Variants in CDH10 observed in about 807,000 individuals in gnomAD.
CDH10 encodes the protein cadherin 10.
A neutral mutation model predicts 73.1 loss-of-function variants in CDH10; 30 were observed. The observed-to-expected ratio is 0.41, with a 90% CI of 0.31 to 0.56. The LOEUF (loss-of-function observed/expected upper bound fraction) is 0.56. Among genes scored for constraint, CDH10 ranks in the 20% least tolerant of loss-of-function variants. CDH10 has a pLI of 0.27. For missense variants in CDH10, 815 were observed against 973.7 expected (o/e 0.84, Z 2.17); for synonymous variants, 345 against 348.2 (o/e 0.99, Z 0.10).
At chr5:24,593,126 C>T (rs1746255313) in intron 2 of CDH10, 134 bp downstream of exon 2, 1 of 570,058 alleles carries the variant, frequency 1.8e-6, no homozygotes, top group Non-Finnish European at 3.1e-6. Flanking sequence ...AATTCGTGTT[C>T]CATAAACAAA....
At chr5:24,550,520 T>C (rs1049514674) in intron 2 of CDH10, among the ~76,000 whole-genome samples, 1 of 152,222 alleles carries the variant, frequency 6.6e-6, no homozygotes, top group Admixed American at 6.5e-5. Context: ...TACTTTAAGA[T>C]ATAAAATTAA....
At chr5:24,612,450 G>A (rs1429913838) in intron 1 of CDH10, 1 of 152,052 alleles carries the variant, frequency 6.6e-6, no homozygotes, top group Non-Finnish European at 1.5e-5. Context: ...CTTCTTTTCT[G>A]CATATTTACG....
chr5:24,595,682 T>C (rs1221800378), intron 1 of CDH10, among the ~76,000 whole-genome samples: 1 of 151,926 alleles, frequency 6.6e-6, no homozygotes, highest in African/African-American at 2.4e-5. Flanking sequence ...TTTGTGTAAG[T>C]GAGGGTTTCT....
intron 2 of CDH10, chr5:24,578,465 A>G (rs1026866185): frequency 2.8e-6 from 1 of 362,490 alleles, no homozygotes; most frequent in Non-Finnish European, 5.6e-6. Context: ...TGGTTTAAGA[A>G]TCTCTGCTTC....
chr5:24,514,309 C>T (rs116104927), intron 5 of CDH10, among the ~76,000 whole-genome samples: 1,651 of 152,240 alleles, frequency 0.011, 26 homozygotes, highest in African/African-American at 0.038. Context: ...CACTGACTGA[C>T]CCGTCATAAT....
chr5:24,634,736 G>T (rs552261245), intron 1 of CDH10, among the ~76,000 whole-genome samples: 203 of 151,760 alleles, frequency 1.3e-3, no homozygotes, highest in African/African-American at 4.8e-3. Flanking sequence ...ATCTTTACAA[G>T]TTATTGGACA....
intron 2 of CDH10, 111 bp from the exon 3 acceptor site, chr5:24,537,785 T>C: frequency 1.6e-6 from 1 of 635,400 alleles, no homozygotes; most frequent in Non-Finnish European, 2.7e-6. Flanking sequence ...GGGTCGGCTA[T>C]CCTACTTCTT....
chr5:24,643,405 A>G (rs780904699), intron 1 of CDH10, among the ~76,000 whole-genome samples: 1 of 152,030 alleles, frequency 6.6e-6, no homozygotes, highest in Non-Finnish European at 1.5e-5. Context: ...AAGCTCTTGT[A>G]GCTACGTTTT....
At chr5:24,562,801 TG>T (rs960686503) in intron 2 of CDH10, among the ~76,000 whole-genome samples, 21 of 144,730 alleles carry the variant, frequency 1.5e-4, no homozygotes, top group African/African-American at 4.0e-4. Context: ...TAATTGGAGA[TG>T]GAAAAAAATA....
intron 1 of CDH10, among the ~76,000 whole-genome samples, chr5:24,625,146 G>A (rs142433052): frequency 1.0e-3 from 152 of 152,198 alleles, no homozygotes; most frequent in African/African-American, 3.4e-3. Flanking sequence ...AACACAGGCT[G>A]AAAATATAAT....
At chr5:24,534,647 C>A (rs1034757530) in intron 5 of CDH10, among the ~76,000 whole-genome samples, 1 of 151,984 alleles carries the variant, frequency 6.6e-6, no homozygotes, top group African/African-American at 2.4e-5. Flanking sequence ...CGGAGGTTCT[C>A]GATCTACAGT....
chr5:24,507,301 T>A (rs1742732082), intron 7 of CDH10, among the ~76,000 whole-genome samples: 1 of 151,718 alleles, frequency 6.6e-6, no homozygotes, highest in South Asian at 2.1e-4. Context: ...CTTAATGGCA[T>A]ACCCTCAGTC....
chr5:24,632,914 T>A (rs1478140679), intron 1 of CDH10, among the ~76,000 whole-genome samples: 1 of 151,790 alleles, frequency 6.6e-6, no homozygotes, highest in Non-Finnish European at 1.5e-5. Flanking sequence ...ATGATAATGA[T>A]GATGAGGAGG....
intron 2 of CDH10, among the ~76,000 whole-genome samples, chr5:24,549,799 G>A (rs1744479660): frequency 6.6e-6 from 1 of 151,958 alleles, no homozygotes; most frequent in Admixed American, 6.6e-5. Context: ...TGAGCTGCTC[G>A]CCTCAGCCTC....
At chr5:24,588,640 T>C (rs551179766) in intron 2 of CDH10, among the ~76,000 whole-genome samples, 6 of 152,322 alleles carry the variant, frequency 3.9e-5, no homozygotes, top group African/African-American at 1.4e-4. Flanking sequence ...TTGACATGAC[T>C]GTGTCCATAT....
intron 1 of CDH10, among the ~76,000 whole-genome samples, chr5:24,600,097 T>A (rs549012439): frequency 6.6e-6 from 1 of 152,202 alleles, no homozygotes; most frequent in Non-Finnish European, 1.5e-5. Context: ...TGTACTTACA[T>A]TGTAGTTTTC....
chr5:24,635,746 T>C (rs1269954370), intron 1 of CDH10, among the ~76,000 whole-genome samples: 1 of 151,964 alleles, frequency 6.6e-6, no homozygotes, highest in Non-Finnish European at 1.5e-5. Flanking sequence ...AATATATTTA[T>C]AAAAGTTTTA....
intron 1 of CDH10, among the ~76,000 whole-genome samples, chr5:24,636,233 A>T (rs1747864077): frequency 6.6e-6 from 1 of 151,954 alleles, no homozygotes; most frequent in Non-Finnish European, 1.5e-5. Context: ...ACCCCATTTT[A>T]CAGATAGAAA....
chr5:24,631,241 G>A (rs1747695404), intron 1 of CDH10, among the ~76,000 whole-genome samples: 1 of 152,016 alleles, frequency 6.6e-6, no homozygotes, highest in Non-Finnish European at 1.5e-5. Context: ...ATAATATCCT[G>A]TATGTTACTT....
Sources: allele counts gnomAD v4.1 joint callset (sites outside exome capture counted in the v4.1 genomes callset), GRCh38; gene constraint gnomAD v4.1.1; transcripts MANE v1.5; gene names NCBI Gene and HGNC (gene_info 2026-07-23, HGNC 2026-07-21).